Variants in SLC25A21 observed in about 807,000 individuals in gnomAD.
The protein encoded by SLC25A21 is solute carrier family 25 member 21, also known as mitochondrial 2-oxodicarboxylate carrier.
SLC25A21 carries 47 observed loss-of-function variants against 43.8 expected under a neutral mutation model. The observed-to-expected ratio is 1.07, with a 90% CI of 0.85 to 1.37. The LOEUF is 1.37. SLC25A21 is among the 40% of genes most tolerant of loss of function. The pLI, the probability that SLC25A21 is intolerant of heterozygous loss-of-function variation, is 0.00. For missense variants in SLC25A21, 352 were observed against 350.2 expected, an observed-to-expected ratio of 1.00 and a Z score of -0.04; for synonymous variants, 131 against 121.3, an observed-to-expected ratio of 1.08 and a Z score of -0.52.
At chr14:36,752,131 C>T (rs1885732535) in intron 3 of SLC25A21, among the ~76,000 whole-genome samples, 1 of 152,106 alleles carries the variant, frequency 6.6e-6, no homozygotes. Flanking sequence ...TGAAATAATG[C>T]CAGGTCAACA....
intron 1 of SLC25A21, among the ~76,000 whole-genome samples, chr14:37,127,459 A>G (rs907521520): frequency 6.6e-6 from 1 of 152,208 alleles, no homozygotes; most frequent in Admixed American, 6.5e-5. Context: ...GCACCTTTTC[A>G]GTTTTTTCTT....
Position 36,679,683 on chromosome 14 carries a change from T to C in SLC25A21, c.*975A>G. ...TGACTTCCCACCTGAAGTTGTCGTT[T>C]AAAACTAATAACCTGAAAATGCAGT... is the stretch of plus-strand genomic sequence containing the variant. On this transcript the variant is annotated 3_prime_UTR_variant, in exon 10 of 10. Coordinates refer to ENST00000331299, the MANE Select transcript of SLC25A21 (RefSeq NM_030631.4). 4 of 985,404 alleles carry C rather than the reference T, an allele frequency of 4.1e-6. No individual in the cohort carries two copies. The highest frequency in any genetic ancestry group is 4.8e-6 in the Non-Finnish European group (4 of 829,878). 61.0% of individuals were successfully genotyped at this position (985,404 alleles called of 1,614,324 possible).
At chr14:37,153,133 C>T (rs1044303739) in intron 1 of SLC25A21, among the ~76,000 whole-genome samples, 3 of 152,122 alleles carry the variant, frequency 2.0e-5, no homozygotes, top group Admixed American at 6.5e-5. Flanking sequence ...GCCCCTTGAC[C>T]ATCCCAAGCC....
At chr14:37,101,195 C>T (rs1962810868) in intron 1 of SLC25A21, among the ~76,000 whole-genome samples, 1 of 152,190 alleles carries the variant, frequency 6.6e-6, no homozygotes, top group Non-Finnish European at 1.5e-5. Flanking sequence ...TCTGTAATTT[C>T]TCCCAATACA....
At chr14:37,022,280 G>A (rs1265640037) in intron 1 of SLC25A21, among the ~76,000 whole-genome samples, 1 of 151,816 alleles carries the variant, frequency 6.6e-6, no homozygotes, top group Non-Finnish European at 1.5e-5. Context: ...TTAGGAAACA[G>A]ACTTTCATAT....
At chr14:37,045,010 A>C (rs1024560002) in intron 1 of SLC25A21, among the ~76,000 whole-genome samples, 1 of 152,210 alleles carries the variant, frequency 6.6e-6, no homozygotes, top group Non-Finnish European at 1.5e-5. Context: ...TTGGAGATGA[A>C]AAAGGGAGAC....
chr14:37,171,270 C>T (rs986315975), intron 1 of SLC25A21, among the ~76,000 whole-genome samples: 1 of 152,106 alleles, frequency 6.6e-6, no homozygotes, highest in Non-Finnish European at 1.5e-5. Context: ...TACGTTACTC[C>T]TGAGATGCAA....
intron 1 of SLC25A21, among the ~76,000 whole-genome samples, chr14:37,024,765 A>T (rs1056750100): frequency 6.6e-6 from 1 of 152,104 alleles, no homozygotes; most frequent in Non-Finnish European, 1.5e-5. Context: ...GCAACAGATT[A>T]GAATTTTAAA....
chr14:36,826,958 G>T (rs1385298003), intron 2 of SLC25A21, among the ~76,000 whole-genome samples: 6 of 152,184 alleles, frequency 3.9e-5, no homozygotes, highest in Non-Finnish European at 7.4e-5. Context: ...AGCCAAACAA[G>T]ATCTAATCAC....
intron 7 of SLC25A21, among the ~76,000 whole-genome samples, chr14:36,693,945 G>A (rs1313981281): frequency 6.6e-6 from 1 of 152,026 alleles, no homozygotes; most frequent in Non-Finnish European, 1.5e-5. Context: ...TAAGTTCTAG[G>A]GTACATGTGC....
At chr14:36,816,016 G>A (rs1227599055) in intron 2 of SLC25A21, among the ~76,000 whole-genome samples, 1 of 152,152 alleles carries the variant, frequency 6.6e-6, no homozygotes, top group Non-Finnish European at 1.5e-5. Flanking sequence ...ATAGTTCTAG[G>A]CCTCACAGAA....
intron 1 of SLC25A21, among the ~76,000 whole-genome samples, chr14:37,113,656 C>G (rs1235706359): frequency 6.6e-6 from 1 of 152,018 alleles, no homozygotes; most frequent in African/African-American, 2.4e-5. Flanking sequence ...GAGTTCGAGA[C>G]CAGCCTGGCC....
chr14:37,101,550 CATA>C (rs1317327866), intron 1 of SLC25A21, among the ~76,000 whole-genome samples: 4 of 151,996 alleles, frequency 2.6e-5, no homozygotes, highest in Admixed American at 1.3e-4. Flanking sequence ...AGACAGCTGT[CATA>C]ATATTATTTT....
intron 1 of SLC25A21, among the ~76,000 whole-genome samples, chr14:37,128,538 CTGTGTGTGTGTGTGTGTGTG>C (rs367948974): frequency 3.3e-5 from 4 of 122,706 alleles, no homozygotes; most frequent in African/African-American, 1.3e-4. Context: ...CTCTCTCTCT[CTGTGTGTGTGTGTGTGTGTG>C]TGTGTGTGTG....
At chr14:37,081,176 G>A (rs192928927) in intron 1 of SLC25A21, among the ~76,000 whole-genome samples, 16 of 152,282 alleles carry the variant, frequency 1.1e-4, no homozygotes, top group Admixed American at 5.9e-4. Flanking sequence ...ATTTGGGAAC[G>A]TGAGAAAAGC....
chr14:37,145,184 A>C (rs2138925521), intron 1 of SLC25A21, among the ~76,000 whole-genome samples: 1 of 152,268 alleles, frequency 6.6e-6, no homozygotes, highest in South Asian at 2.1e-4. Flanking sequence ...TAACACAGCT[A>C]GTAAGTATTA....
At chr14:37,161,723 G>A (rs1427636011) in intron 1 of SLC25A21, among the ~76,000 whole-genome samples, 2 of 152,090 alleles carry the variant, frequency 1.3e-5, no homozygotes, top group Non-Finnish European at 2.9e-5. Context: ...CGCTTTGGGA[G>A]GCCGAGGCGG....
chr14:36,775,683 C>T (rs1441833539), intron 3 of SLC25A21, among the ~76,000 whole-genome samples: 3 of 152,118 alleles, frequency 2.0e-5, no homozygotes, highest in African/African-American at 7.2e-5. Flanking sequence ...ACTATACTTG[C>T]CTGTCCCCAA....
intron 2 of SLC25A21, among the ~76,000 whole-genome samples, chr14:36,862,097 A>C (rs1354456302): frequency 6.6e-6 from 1 of 152,244 alleles, no homozygotes; most frequent in Non-Finnish European, 1.5e-5. Flanking sequence ...AATCATTGAA[A>C]AGTCGGGAAA....
Sources: gnomAD v4.1 joint callset for allele counts (sites outside exome capture counted in the v4.1 genomes callset) on GRCh38, gnomAD v4.1.1 for gene constraint, MANE v1.5 for transcripts, NCBI Gene and HGNC (gene_info 2026-07-23, HGNC 2026-07-21) for gene names.